The following SLC25A16 variants were observed in gnomAD, a reference collection of about 807,000 sequenced individuals.
SLC25A16 encodes solute carrier family 25 member 16, also known as mitochondrial coenzyme A transporter SLC25A16.
A neutral mutation model predicts 41.5 loss-of-function variants in SLC25A16; 39 were observed. The observed-to-expected ratio is 0.94, with a 90% CI of 0.73 to 1.23. The LOEUF is 1.23. Ranked by LOEUF, SLC25A16 falls within the 50% of genes most tolerant of loss-of-function variation. The probability of loss-of-function intolerance (pLI) is 0.00; values close to 1 mark genes in which losing one functional copy is unlikely to be tolerated. For missense variants in SLC25A16, 421 were observed against 426.9 expected (o/e 0.99, Z 0.12); for synonymous variants, 146 against 147.8 (o/e 0.99, Z 0.09).
intron 4 of SLC25A16, among the ~76,000 whole-genome samples, chr10:68,497,627 T>A (rs938654195): frequency 9.2e-5 from 14 of 151,802 alleles, no homozygotes; most frequent in African/African-American, 3.4e-4. Flanking sequence ...TTTAATTTTT[T>A]TTTTTCCAAG....
At chr10:68,521,254 A>C (rs11596471) in intron 1 of SLC25A16, among the ~76,000 whole-genome samples, 3 of 151,950 alleles carry the variant, frequency 2.0e-5, no homozygotes, top group Non-Finnish European at 4.4e-5. Flanking sequence ...TCTAATTAAA[A>C]CCGGCCGGCT....
At position 68,478,258 on chromosome 10, in the gene SLC25A16, G is replaced by A. The variant is rs111379722; in HGVS notation, c.*5174C>T. ...ACTTATATCATAGTATTGTAATGGA[G>A]ATTGAGCTAAGGCATCAAAGGTGCT... On this transcript the variant is annotated 3_prime_UTR_variant, in exon 9 of 9. Transcript: ENST00000609923. The A allele has an allele frequency of 2.6e-5, 4 of 152,310 alleles. 1 individual carries two copies. The highest frequency in any genetic ancestry group is 7.2e-5 in the African/African-American group (3 of 41,574). 9.4% of individuals were successfully genotyped at this position (152,310 alleles called of 1,614,324 possible).
Position 68,487,219 on chromosome 10 carries a change from G to T in SLC25A16, c.774-7C>A, listed in dbSNP as rs7915381. 2 of 1,611,550 alleles carry T rather than the reference G, an allele frequency of 1.2e-6. No individual in the cohort carries two copies. Among genetic ancestry groups the T allele is most frequent in the Admixed American group, 3.3e-5 (2 of 59,746 alleles). ...AGTCACATCAAATGGGTAGCTAAAAGAAGAAAAAGGCATAAAGAATTAAAA... is the reference window on the plus strand; with the variant it reads ...AGTCACATCAAATGGGTAGCTAAAATAAGAAAAAGGCATAAAGAATTAAAA... On this transcript the variant is annotated splice_region_variant and splice_polypyrimidine_tract_variant and intron_variant, in intron 7 of 8. Transcript: ENST00000609923.
At chr10:68,511,518 C>T (rs10998238) in intron 2 of SLC25A16, among the ~76,000 whole-genome samples, 7,134 of 152,088 alleles carry the variant, frequency 0.047, 182 homozygotes, top group African/African-American at 0.064. Flanking sequence ...CACATCAGCA[C>T]GGGGAGGAGG....
intron 4 of SLC25A16, among the ~76,000 whole-genome samples, chr10:68,494,878 T>C (rs564368997): frequency 0.018 from 2,106 of 119,586 alleles, 16 homozygotes; most frequent in Non-Finnish European, 0.027. Flanking sequence ...AAACTGCATC[T>C]AAAAAAAAAA....
chr10:68,507,915 C>T (rs373883744), intron 2 of SLC25A16, among the ~76,000 whole-genome samples: 16 of 152,122 alleles, frequency 1.1e-4, no homozygotes, highest in African/African-American at 3.4e-4. Context: ...AAGCAGATAT[C>T]GAAATGGACT....
chr10:68,527,150 G>A (rs949969210), intron 1 of SLC25A16, 96 bp downstream of exon 1: 2 of 1,302,558 alleles, frequency 1.5e-6, no homozygotes, highest in Non-Finnish European at 2.1e-6. Context: ...AGCAGCCAGA[G>A]TCCAGGAATG....
In SLC25A16 at chr10:68,516,761, G is replaced by C; in HGVS notation, c.213C>G (p.Tyr71Ter). 1 of 1,601,382 alleles carries C rather than the reference G, an allele frequency of 6.2e-7. No homozygotes were observed. The highest frequency in any genetic ancestry group is 8.5e-7 in the Non-Finnish European group (1 of 1,169,648). Residue 71 changes from tyrosine to a stop codon, truncating the protein, a stop_gained, in exon 2 of 9, where the codon TAC becomes TAG. Transcript: ENST00000609923. LOFTEE classifies it high-confidence loss of function. ...KVLLQAHNHHYKHLGVFSALR... is the reference protein window; with the variant it reads ...KVLLQAHNHH The stretch of plus-strand genomic sequence containing the variant: ...CATCTATTAACTCACCTAAATGCTT[G>C]TAATGGTGATTGTGAGCTTGTAATA...
chr10:68,501,819 A>G (rs1475353559), intron 4 of SLC25A16, among the ~76,000 whole-genome samples: 1 of 152,178 alleles, frequency 6.6e-6, no homozygotes, highest in Non-Finnish European at 1.5e-5. Context: ...GACAAGTCAT[A>G]TGGAAAACTT....
chr10:68,516,883 A>G, intron 1 of SLC25A16, 40 bp from the exon 2 acceptor site: 6 of 1,439,858 alleles, frequency 4.2e-6, no homozygotes, highest in African/African-American at 1.4e-5. Flanking sequence ...ATTGCGTACC[A>G]TTTCTTTCCA....
In SLC25A16 at chr10:68,483,434, A is replaced by T. The variant is rs1277383102; in HGVS notation, c.997T>A (p.Ter333LysextTer9). The part of the protein sequence containing the change: ...ELMKQFFHLN[*>K] ...GAAAAACCAACCATAATTTTTTTTT[A>T]GTTGAGGTGAAAAAACTGCTTCATA... The change falls in exon 9 of 9, where the codon TAA becomes AAA. Residue 333 changes from the stop codon to lysine, a stop_lost. Coordinates refer to ENST00000609923, the MANE Select transcript of SLC25A16 (RefSeq NM_152707.4). The T allele has an allele frequency of 1.9e-6, 3 of 1,568,404 alleles. No individual in the cohort carries two copies. The highest frequency in any genetic ancestry group is 2.6e-6 in the Non-Finnish European group (3 of 1,159,262).
rs2052499030 is a variant in SLC25A16, at chr10:68,482,766, G to A, written c.*666C>T. 1 of 152,100 alleles carries A rather than the reference G, an allele frequency of 6.6e-6. No individual in the cohort carries two copies. 9.4% of individuals were successfully genotyped at this position (152,100 alleles called of 1,614,324 possible). On this transcript the variant is annotated 3_prime_UTR_variant, in exon 9 of 9. Transcript: ENST00000609923. Reference sequence around the variant, plus strand: ...TTGCATAGGCTGGCATGGAATTCCAGGGCTCAAGTGATCCTCTCACCTCAG... The same window carrying A: ...TTGCATAGGCTGGCATGGAATTCCAAGGCTCAAGTGATCCTCTCACCTCAG...
chr10:68,491,676 A>G (rs184916346), intron 6 of SLC25A16, among the ~76,000 whole-genome samples: 316 of 152,298 alleles, frequency 2.1e-3, no homozygotes, highest in African/African-American at 7.2e-3. Flanking sequence ...TAAGTTCCAC[A>G]CTACCAAACT....
rs914003964 is a variant in SLC25A16 at position 68,494,748 on chromosome 10, G to A, written c.422-1178C>T. On this transcript the variant is annotated intron_variant, in intron 4 of 8. Transcript: ENST00000609923. ...AAAAATTAGCTGGGCCTGGTGGCAC[G>A]CGCCTGTAGTCCCAGCTACTTGGGA... Among the ~76,000 whole-genome samples the A allele has an allele frequency of 7.2e-5, 10 of 138,840 alleles. No homozygotes were observed. In the South Asian group the frequency reaches 7.2e-4, roughly 10 times the overall value. 91.1% of individuals were successfully genotyped at this position (138,840 alleles called of 152,430 possible). A position where few individuals can be genotyped will look rare whatever the true frequency, so the allele number is the denominator to read the frequency against.
intron 3 of SLC25A16, among the ~76,000 whole-genome samples, chr10:68,504,325 T>A (rs553390324): frequency 1.3e-5 from 2 of 151,818 alleles, no homozygotes; most frequent in South Asian, 2.1e-4. Flanking sequence ...CCTAATTTTT[T>A]ATTTTATTTT....
chr10:68,515,202 C>T (rs1403637138), intron 2 of SLC25A16, among the ~76,000 whole-genome samples: 2 of 149,302 alleles, frequency 1.3e-5, no homozygotes, highest in Non-Finnish European at 3.0e-5. Flanking sequence ...ACTAAAAATA[C>T]AAAAATTAGC....
At chr10:68,485,957 C>T (rs865985426) in intron 8 of SLC25A16, among the ~76,000 whole-genome samples, 1 of 151,504 alleles carries the variant, frequency 6.6e-6, no homozygotes, top group African/African-American at 2.4e-5. Context: ...GCCACCACAC[C>T]CGGCTAATTT....
chr10:68,496,123 C>T (rs951974241), intron 4 of SLC25A16, among the ~76,000 whole-genome samples: 2 of 152,254 alleles, frequency 1.3e-5, no homozygotes, highest in African/African-American at 4.8e-5. Context: ...CTTCTTGCAT[C>T]CCCTTGCCCC....
At chr10:68,492,147 A>G (rs1438127120) in intron 6 of SLC25A16, among the ~76,000 whole-genome samples, 1 of 152,172 alleles carries the variant, frequency 6.6e-6, no homozygotes, top group African/African-American at 2.4e-5. Context: ...TACACAAAAA[A>G]GGTAGCCTAA....
Sources: allele counts gnomAD v4.1 joint callset (sites outside exome capture counted in the v4.1 genomes callset), GRCh38; gene constraint gnomAD v4.1.1; transcripts MANE v1.5; gene names NCBI Gene and HGNC (gene_info 2026-07-23, HGNC 2026-07-21).